The following MYPN variants were observed in gnomAD, a reference collection of about 807,000 sequenced individuals.
MYPN encodes the protein myopalladin.
In MYPN, 63 loss-of-function variants were observed where a neutral mutation model predicts 129.4. The ratio of observed to expected loss-of-function variants is 0.49; its 90% CI spans 0.40 to 0.60. The LOEUF (loss-of-function observed/expected upper bound fraction) is 0.60. MYPN is among the 20% of genes least tolerant of loss of function. The pLI, the probability that MYPN is intolerant of heterozygous loss-of-function variation, is 0.00. For missense variants in MYPN, 1,596 were observed against 1,635.4 expected (o/e 0.98, Z 0.42); for synonymous variants, 629 against 600.9 (o/e 1.05, Z -0.68).
chr10:68,102,652 C>T (rs543893499), upstream of MYPN, among the ~76,000 whole-genome samples: 9 of 152,158 alleles, frequency 5.9e-5, no homozygotes, highest in African/African-American at 1.4e-4. Flanking sequence ...GTTGGGAAAT[C>T]GAATGGCAGT....
intron 2 of MYPN, among the ~76,000 whole-genome samples, chr10:68,123,279 T>G (rs753904332): frequency 6.6e-6 from 1 of 152,088 alleles, no homozygotes; most frequent in Non-Finnish European, 1.5e-5. Context: ...TCAGGTGGCT[T>G]AGGCAGAGAG....
intron 2 of MYPN, among the ~76,000 whole-genome samples, chr10:68,125,647 CTT>C (rs963442908): frequency 6.6e-6 from 1 of 152,146 alleles, no homozygotes; most frequent in African/African-American, 2.4e-5. Flanking sequence ...ATAGTACAAA[CTT>C]TAAGTAGTGT....
intron 2 of MYPN, among the ~76,000 whole-genome samples, chr10:68,137,728 A>C (rs890560644): frequency 6.6e-6 from 1 of 152,196 alleles, no homozygotes; most frequent in African/African-American, 2.4e-5. Flanking sequence ...TTGAAACCTC[A>C]AATTTTTTCA....
chr10:68,188,838 C>T (rs1417396928), intron 12 of MYPN, 67 bp from the exon 13 acceptor site: 6 of 1,373,384 alleles, frequency 4.4e-6, no homozygotes, highest in Admixed American at 3.7e-5. Flanking sequence ...GTGGCTTCCT[C>T]AATTGTACTG....
At chr10:68,141,871 T>A (rs1437638609) in intron 2 of MYPN, among the ~76,000 whole-genome samples, 1 of 152,206 alleles carries the variant, frequency 6.6e-6, no homozygotes, top group Non-Finnish European at 1.5e-5. Context: ...TAAAATTCAA[T>A]TATATATCTT....
Position 68,194,350 on chromosome 10 carries a change from T to G in MYPN, c.2926-13T>G. 3 of 1,612,808 alleles carry G rather than the reference T, an allele frequency of 1.9e-6. No individual in the cohort carries two copies. Among genetic ancestry groups the G allele is most frequent in the Non-Finnish European group, 2.5e-6 (3 of 1,179,266 alleles). ...AACAAAACAGTGTACATCTTGATAA[T>G]TTTTCATTTCAGGTTTACTGGTTCA... On this transcript the variant is annotated splice_polypyrimidine_tract_variant and intron_variant, in intron 13 of 19. Coordinates refer to ENST00000358913, the MANE Select transcript of MYPN (RefSeq NM_032578.4).
chr10:68,100,346 A>C (rs1446834668), intron 1 of MYPN, among the ~76,000 whole-genome samples: 1 of 152,174 alleles, frequency 6.6e-6, no homozygotes, highest in Non-Finnish European at 1.5e-5. Context: ...AGTCAGTCAC[A>C]AATAGTTGAA....
chr10:68,093,801 G>T (rs1464410498), intron 1 of MYPN, among the ~76,000 whole-genome samples: 1 of 151,776 alleles, frequency 6.6e-6, no homozygotes, highest in Non-Finnish European at 1.5e-5. Context: ...TAGCTACTCC[G>T]TAGGCAGAGC....
intron 12 of MYPN, among the ~76,000 whole-genome samples, chr10:68,181,166 T>TGA (rs1036706740): frequency 6.6e-4 from 101 of 152,274 alleles, no homozygotes; most frequent in African/African-American, 2.4e-3. Context: ...ACAAAGGAGA[T>TGA]GAGGCAAGGG....
intron 18 of MYPN, among the ~76,000 whole-genome samples, chr10:68,203,722 G>C (rs71493812): frequency 0.026 from 946 of 35,904 alleles, 4 homozygotes; most frequent in East Asian, 0.047. Context: ...TACACACACA[G>C]AGAGAGAGAG....
chr10:68,166,246 T>A, intron 9 of MYPN, 48 bp from the exon 10 acceptor site: 1 of 1,613,318 alleles, frequency 6.2e-7, no homozygotes, highest in Non-Finnish European at 8.5e-7. Flanking sequence ...ATGCCCCAAT[T>A]CAGGCTTACA....
chr10:68,206,250 G>A (rs2043813620), intron 18 of MYPN, among the ~76,000 whole-genome samples: 2 of 152,178 alleles, frequency 1.3e-5, no homozygotes, highest in Admixed American at 6.5e-5. Context: ...ATTCCAATAT[G>A]CAGTCAAGGT....
chr10:68,201,823 G>T lies in MYPN; in HGVS notation c.3494-6G>T, dbSNP rs768274852. 5 of 1,613,516 alleles carry T rather than the reference G, an allele frequency of 3.1e-6. No homozygotes were observed. Among genetic ancestry groups the T allele is most frequent in the African/African-American group, 2.7e-5 (2 of 74,848 alleles). ...AGAAAAAAAGAATGACCCTTCTCTT[G>T]CTCAGCCAAAGAGGTGAAGAAAGCA... is the stretch of plus-strand genomic sequence containing the variant. On this transcript the variant is annotated splice_polypyrimidine_tract_variant and splice_region_variant and intron_variant, in intron 17 of 19. Transcript: ENST00000358913.
At chr10:68,158,687 C>T (rs1589569326) in intron 7 of MYPN, 60 bp downstream of exon 7, 11 of 1,173,088 alleles carry the variant, frequency 9.4e-6, no homozygotes, top group Non-Finnish European at 1.3e-5. Context: ...ATTGTACACA[C>T]TTATTTTTAT....
At chr10:68,112,818 TG>T (rs1355051098) in intron 1 of MYPN, among the ~76,000 whole-genome samples, 3 of 152,190 alleles carry the variant, frequency 2.0e-5, no homozygotes, top group East Asian at 3.9e-4. Context: ...AAAAGTAAGA[TG>T]GGGATGATCA....
intron 2 of MYPN, among the ~76,000 whole-genome samples, chr10:68,125,537 T>A (rs2042313499): frequency 6.6e-6 from 1 of 152,254 alleles, no homozygotes; most frequent in Non-Finnish European, 1.5e-5. Flanking sequence ...TTTTACTGTG[T>A]GTTCGGCACA....
At chr10:68,118,997 C>T (rs2042200299) in intron 1 of MYPN, among the ~76,000 whole-genome samples, 1 of 152,112 alleles carries the variant, frequency 6.6e-6, no homozygotes, top group African/African-American at 2.4e-5. Context: ...TTATAAGGCA[C>T]TTAATTTCCC....
chr10:68,185,048 T>C (rs1343473892), intron 12 of MYPN, among the ~76,000 whole-genome samples: 1 of 151,886 alleles, frequency 6.6e-6, no homozygotes, highest in African/African-American at 2.4e-5. Flanking sequence ...CTCAAGCCTG[T>C]AATCCCAACA....
At position 68,152,680 on chromosome 10, in the gene MYPN, G is replaced by A. The variant is rs567431488; in HGVS notation, c.1317+2569G>A. On this transcript the variant is annotated intron_variant, in intron 6 of 19. Coordinates refer to ENST00000358913, the MANE Select transcript of MYPN (RefSeq NM_032578.4). ...GATGGAGTTTCAGTCTTGTTGCCCA[G>A]GCTAGAGTGCAATGGCATGATCTCA... Among the ~76,000 whole-genome samples, 58 of 152,292 alleles carry A rather than the reference G, an allele frequency of 3.8e-4. 1 individual carries two copies. Among genetic ancestry groups the A allele is most frequent in the African/African-American group, 1.4e-3 (58 of 41,568 alleles).
Sources: allele counts gnomAD v4.1 joint callset (sites outside exome capture counted in the v4.1 genomes callset), GRCh38; gene constraint gnomAD v4.1.1; transcripts MANE v1.5; gene names NCBI Gene and HGNC (gene_info 2026-07-23, HGNC 2026-07-21).